Variants in MITD1 observed in about 807,000 individuals in gnomAD.
MITD1 encodes MIT domain-containing protein 1.
MITD1 carries 24 observed loss-of-function variants against 34.9 expected under a neutral mutation model. That is an observed-to-expected ratio of 0.69 (90% confidence interval 0.50 to 0.97). MITD1 has a LOEUF of 0.97. Among genes scored for constraint, MITD1 ranks in the 50% least tolerant of loss-of-function variants. The probability of loss-of-function intolerance (pLI) is 0.00; values close to 1 mark genes in which losing one functional copy is unlikely to be tolerated. For missense variants in MITD1, 266 were observed against 294.6 expected, an observed-to-expected ratio of 0.90 and a Z score of 0.71; for synonymous variants, 102 against 101.4, an observed-to-expected ratio of 1.01 and a Z score of -0.04.
intron 1 of MITD1, among the ~76,000 whole-genome samples, chr2:99,180,139 T>C (rs1212470367): frequency 6.6e-6 from 1 of 152,178 alleles, no homozygotes; most frequent in Admixed American, 6.5e-5. Flanking sequence ...GTCTCACTTG[T>C]CTCCTCCACA....
intron 1 of MITD1, 101 bp from the exon 2 acceptor site, chr2:99,174,117 C>T: frequency 3.0e-6 from 2 of 660,840 alleles, no homozygotes; most frequent in South Asian, 2.1e-5. Flanking sequence ...ATTTCCTATC[C>T]TCTAGTATGG....
At chr2:99,176,363 C>T (rs1463322124) in intron 1 of MITD1, among the ~76,000 whole-genome samples, 7 of 148,318 alleles carry the variant, frequency 4.7e-5, no homozygotes, top group Non-Finnish European at 1.0e-4. Flanking sequence ...GACGGAGTCT[C>T]GCTGTGTTGC....
chr2:99,179,156 G>A (rs2093901726), intron 1 of MITD1, among the ~76,000 whole-genome samples: 1 of 152,156 alleles, frequency 6.6e-6, no homozygotes, highest in Non-Finnish European at 1.5e-5. Context: ...CATTGTCTCT[G>A]TAACCTCTAC....
chr2:99,180,089 G>A (rs984077111), intron 1 of MITD1, among the ~76,000 whole-genome samples: 7 of 152,082 alleles, frequency 4.6e-5, no homozygotes, highest in Admixed American at 4.6e-4. Context: ...TGGGTGTTAA[G>A]GAATATTTGG....
At chr2:99,170,674 T>C (rs1325850751) in intron 4 of MITD1, 22 bp from the exon 5 acceptor site, 1 of 1,121,554 alleles carries the variant, frequency 8.9e-7, no homozygotes, top group Non-Finnish European at 1.4e-6. Flanking sequence ...AAAAATACGA[T>C]TATCTGCCGC....
chr2:99,172,679 T>G (rs1423708029), intron 2 of MITD1: 1 of 152,064 alleles, frequency 6.6e-6, no homozygotes, highest in Non-Finnish European at 1.5e-5. Flanking sequence ...GGTCAGGAGT[T>G]AGAGACCAGC....
chr2:99,173,995 C>A lies in MITD1; in HGVS notation c.173G>T (p.Arg58Ile). The A allele has an allele frequency of 6.4e-7, 1 of 1,560,118 alleles. No homozygotes were observed. Among genetic ancestry groups the A allele is most frequent in the Non-Finnish European group, 8.8e-7 (1 of 1,134,702 alleles). The change falls in exon 2 of 7, where the codon AGA becomes ATA. Residue 58 changes from arginine (R) to isoleucine (I), a missense_variant. By Grantham distance (97) the Arg-to-Ile change is moderately conservative. Coordinates refer to ENST00000289359, the MANE Select transcript of MITD1 (RefSeq NM_138798.3). ...VLKGTKDNTK[R>I]CNLREKISKY... is the part of the protein sequence containing the mutation. ...GGAAATTTTTTCTCTGAGATTACAT[C>A]TCTTAGTATTATCTTTGGTACCTAC...
downstream of MITD1, among the ~76,000 whole-genome samples, chr2:99,166,891 ATATAT>A (rs1559174847): frequency 1.1e-4 from 10 of 87,610 alleles, no homozygotes; most frequent in African/African-American, 3.6e-4. Context: ...ATATATATAT[ATATAT>A]AAATTTTTCA....
chr2:99,174,666 C>A (rs2093877221), intron 1 of MITD1, among the ~76,000 whole-genome samples: 1 of 152,200 alleles, frequency 6.6e-6, no homozygotes, highest in South Asian at 2.1e-4. Flanking sequence ...TCTCGGCTCT[C>A]TGCAACCTCC....
downstream of MITD1, among the ~76,000 whole-genome samples, chr2:99,166,585 A>C (rs1297923603): frequency 6.6e-6 from 1 of 151,542 alleles, no homozygotes; most frequent in African/African-American, 2.4e-5. Context: ...GTGTGTACTA[A>C]TAGGAATGAT....
intron 1 of MITD1, 28 bp downstream of exon 1, chr2:99,180,803 G>A (rs368917006): frequency 1.8e-4 from 289 of 1,598,086 alleles, no homozygotes; most frequent in Non-Finnish European, 2.4e-4. Context: ...TTTTCCTCAG[G>A]TCCTCCCCGC....
chr2:99,167,579 A>G (rs2093832518), downstream of MITD1, among the ~76,000 whole-genome samples: 1 of 152,190 alleles, frequency 6.6e-6, no homozygotes, highest in Admixed American at 6.6e-5. Context: ...CATAGTAACG[A>G]TTCATATGCT....
rs946120754 is a variant in MITD1, at chr2:99,170,619, G to A, written c.511C>T (p.Gln171Ter). The change falls in exon 5 of 7, where the codon CAA becomes TAA. Residue 171 changes from glutamine to a stop codon, truncating the protein, a stop_gained. Coordinates refer to ENST00000289359, the MANE Select transcript of MITD1 (RefSeq NM_138798.3). LOFTEE classifies it high-confidence loss of function. ...CTCCTGAGTGACTCTTCTATTTCTT[G>A]CAGGCCTCTACTTTGCTGCACTTGC... The part of the protein sequence containing the change: ...IEQVQQSRGL[Q>*]EIEESLRSHG... 5.6e-6 allele frequency: 9 copies of A among 1,606,858 alleles called. No individual in the cohort carries two copies. The highest frequency in any genetic ancestry group is 7.7e-6 in the Non-Finnish European group (9 of 1,174,278).
downstream of MITD1, among the ~76,000 whole-genome samples, chr2:99,166,583 T>C (rs1382991950): frequency 4.6e-5 from 7 of 151,210 alleles, no homozygotes; most frequent in South Asian, 1.5e-3. Flanking sequence ...ATGTGTGTAC[T>C]AATAGGAATG....
In MITD1 at chr2:99,173,953, G is replaced by C. The variant is rs372666199; in HGVS notation, c.215C>G (p.Ala72Gly). ...GTCCAAGTACTTCTTTATGTTTTCCGCTCTGTCCATGTATTTGGAAATTTT... is the reference window on the plus strand; with the variant it reads ...GTCCAAGTACTTCTTTATGTTTTCCCCTCTGTCCATGTATTTGGAAATTTT... ...REKISKYMDR[A>G]ENIKKYLDQE... Residue 72 changes from alanine (A) to glycine (G), a missense_variant, in exon 2 of 7, where the codon GCG (alanine) becomes GGG (glycine). Physicochemically the swap from Ala to Gly is moderately conservative, Grantham distance 60. Transcript: ENST00000289359. The C allele has an allele frequency of 3.1e-6, 5 of 1,608,876 alleles. No homozygotes were observed. Among genetic ancestry groups the C allele is most frequent in the Admixed American group, 3.3e-5 (2 of 59,786 alleles).
chr2:99,163,112 A>G (rs2093810090), intron 7 of MITD1: 2 of 1,420,554 alleles, frequency 1.4e-6, no homozygotes, highest in Non-Finnish European at 9.4e-7. Flanking sequence ...AGTTTCAATT[A>G]GAAAATAAAA....
exon 8 of MITD1, chr2:99,162,149 C>T: frequency 5.6e-6 from 9 of 1,613,966 alleles, no homozygotes; most frequent in Non-Finnish European, 7.6e-6. Flanking sequence ...CAATTCTATT[C>T]TTTTGGCAGA....
intron 7 of MITD1, chr2:99,162,657 G>T (rs781509281): frequency 1.2e-6 from 2 of 1,614,118 alleles, no homozygotes; most frequent in Non-Finnish European, 1.7e-6. Flanking sequence ...TGTTGCTACA[G>T]AGTATGCTGC....
intron 2 of MITD1, chr2:99,172,459 C>G (rs1448233472): frequency 2.0e-5 from 3 of 151,328 alleles, no homozygotes; most frequent in Non-Finnish European, 4.4e-5. Context: ...CAGTTTTAAA[C>G]AGAAATTTAT....
Sources: allele counts gnomAD v4.1 joint callset (sites outside exome capture counted in the v4.1 genomes callset), GRCh38; gene constraint gnomAD v4.1.1; transcripts MANE v1.5; gene names NCBI Gene and HGNC (gene_info 2026-07-23, HGNC 2026-07-21).